SLC24A2: variants seen among roughly 807,000 people sequenced by gnomAD.
The protein encoded by SLC24A2 is solute carrier family 24 member 2, also known as sodium/potassium/calcium exchanger 2.
Under a neutral mutation model 62.0 loss-of-function variants are expected in SLC24A2, and 36 were observed. The ratio of observed to expected loss-of-function variants is 0.58; its 90% CI spans 0.44 to 0.77. The LOEUF is 0.77. Among genes scored for constraint, SLC24A2 ranks in the 30% least tolerant of loss-of-function variants. SLC24A2 has a pLI of 0.00. For missense variants in SLC24A2, 846 were observed against 817.9 expected, an observed-to-expected ratio of 1.03 and a Z score of -0.42; for synonymous variants, 358 against 294.0, an observed-to-expected ratio of 1.22 and a Z score of -2.23.
the SLC24A2 span, among the ~76,000 whole-genome samples, chr9:20,229,043 G>A: frequency 6.6e-6 from 1 of 152,152 alleles, no homozygotes; most frequent in Non-Finnish European, 1.5e-5. Flanking sequence ...TGACATAACT[G>A]TGTTATTTCT....
chr9:19,552,305 C>CT (rs545595504), intron 7 of SLC24A2, among the ~76,000 whole-genome samples: 97 of 152,268 alleles, frequency 6.4e-4, no homozygotes, highest in Non-Finnish European at 1.1e-3. Context: ...AAGGTGTCAG[C>CT]TAGCTACGTG....
the SLC24A2 span, among the ~76,000 whole-genome samples, chr9:20,115,243 T>C: frequency 6.6e-6 from 1 of 152,134 alleles, no homozygotes; most frequent in Non-Finnish European, 1.5e-5. Flanking sequence ...CTCAGGAGAA[T>C]AGATGAAATT....
intron 2 of SLC24A2, among the ~76,000 whole-genome samples, chr9:19,688,018 C>T (rs563018753): frequency 3.9e-5 from 6 of 152,142 alleles, no homozygotes; most frequent in African/African-American, 1.2e-4. Flanking sequence ...AACTGCCAGG[C>T]AATATTTTTG....
At chr9:19,837,580 G>A in the SLC24A2 span, among the ~76,000 whole-genome samples, 2 of 150,102 alleles carry the variant, frequency 1.3e-5, no homozygotes, top group Non-Finnish European at 1.5e-5. Context: ...CAATCAGGCA[G>A]GAGAAGGAAA....
chr9:20,263,931 T>C, the SLC24A2 span, among the ~76,000 whole-genome samples: 971 of 139,104 alleles, frequency 7.0e-3, 13 homozygotes, highest in African/African-American at 0.025. Flanking sequence ...GCTGGGCAGA[T>C]GCAATCTCCT....
chr9:20,030,902 G>A, the SLC24A2 span, among the ~76,000 whole-genome samples: 175 of 152,094 alleles, frequency 1.2e-3, 1 homozygote, highest in Non-Finnish European at 1.9e-3. Context: ...GACTCCACCC[G>A]CTGCTCACCC....
At chr9:20,235,511 G>A in the SLC24A2 span, among the ~76,000 whole-genome samples, 1 of 152,210 alleles carries the variant, frequency 6.6e-6, no homozygotes, top group African/African-American at 2.4e-5. Flanking sequence ...AGACTCTGTG[G>A]GCGTAGGACC....
chr9:20,209,345 C>G, the SLC24A2 span, among the ~76,000 whole-genome samples: 1 of 152,166 alleles, frequency 6.6e-6, no homozygotes, highest in East Asian at 1.9e-4. Context: ...GAAATTCTAG[C>G]CAAACAGCCA....
chr9:19,660,187 AGGT>A (rs1819056348), intron 2 of SLC24A2, among the ~76,000 whole-genome samples: 1 of 152,178 alleles, frequency 6.6e-6, no homozygotes, highest in Admixed American at 6.5e-5. Context: ...CTAGGGAAGC[AGGT>A]GGAGGAAGCT....
the SLC24A2 span, among the ~76,000 whole-genome samples, chr9:20,083,546 T>C: frequency 6.6e-6 from 1 of 152,250 alleles, no homozygotes; most frequent in Admixed American, 6.5e-5. Context: ...TCACATGCTG[T>C]ACTAGAGATG....
At chr9:20,036,134 T>G in the SLC24A2 span, among the ~76,000 whole-genome samples, 33 of 152,352 alleles carry the variant, frequency 2.2e-4, no homozygotes, top group Admixed American at 9.8e-4. Flanking sequence ...GAGCTCTCCA[T>G]ACTACCTCCC....
chr9:20,017,014 T>C, the SLC24A2 span, among the ~76,000 whole-genome samples: 1 of 152,238 alleles, frequency 6.6e-6, no homozygotes, highest in African/African-American at 2.4e-5. Context: ...AAATTAATCC[T>C]ACTTTTTATT....
At chr9:20,286,566 A>G in the SLC24A2 span, among the ~76,000 whole-genome samples, 15 of 152,214 alleles carry the variant, frequency 9.9e-5, no homozygotes, top group East Asian at 2.9e-3. Context: ...AGATTGCTCT[A>G]TGTTATGCTG....
chr9:19,894,047 G>C, the SLC24A2 span, among the ~76,000 whole-genome samples: 1 of 152,216 alleles, frequency 6.6e-6, no homozygotes, highest in African/African-American at 2.4e-5. Context: ...AGCTGCAAGA[G>C]AGACTGATAA....
the SLC24A2 span, among the ~76,000 whole-genome samples, chr9:20,206,433 A>G: frequency 2.0e-5 from 3 of 151,786 alleles, no homozygotes; most frequent in Non-Finnish European, 4.4e-5. Flanking sequence ...AAATAACGGT[A>G]AGATGCAGTA....
chr9:20,218,444 G>A, the SLC24A2 span, among the ~76,000 whole-genome samples: 11 of 152,190 alleles, frequency 7.2e-5, no homozygotes, highest in Admixed American at 1.3e-4. Context: ...CCACACACAC[G>A]TGTGTCTGCT....
the SLC24A2 span, chr9:19,957,980 G>T: frequency 6.5e-6 from 1 of 152,942 alleles, no homozygotes; most frequent in Non-Finnish European, 1.5e-5. Context: ...GATGACAATG[G>T]TAGCTCTATC....
chr9:20,145,020 T>C, the SLC24A2 span, among the ~76,000 whole-genome samples: 1 of 152,158 alleles, frequency 6.6e-6, no homozygotes, highest in Admixed American at 6.5e-5. Context: ...CACCTGATAA[T>C]CCACCGAGCA....
chr9:19,589,330 A>G (rs1406721046), intron 5 of SLC24A2, among the ~76,000 whole-genome samples: 1 of 152,244 alleles, frequency 6.6e-6, no homozygotes, highest in African/African-American at 2.4e-5. Context: ...TGATGTGGAA[A>G]GATCTCCAAG....
Sources: allele counts gnomAD v4.1 joint callset (sites outside exome capture counted in the v4.1 genomes callset), GRCh38; gene constraint gnomAD v4.1.1; transcripts MANE v1.5; gene names NCBI Gene and HGNC (gene_info 2026-07-23, HGNC 2026-07-21).